The following STXBP5L variants were observed in gnomAD, a reference collection of about 807,000 sequenced individuals.
STXBP5L encodes the protein syntaxin binding protein 5L.
STXBP5L carries 65 observed loss-of-function variants against 144.5 expected under a neutral mutation model. The ratio of observed to expected loss-of-function variants is 0.45; its 90% confidence interval spans 0.37 to 0.55. The LOEUF (loss-of-function observed/expected upper bound fraction) is 0.55, where lower values mean the gene tolerates loss of function less well. Among genes scored for constraint, STXBP5L ranks in the 20% least tolerant of loss-of-function variants. STXBP5L has a pLI of 0.00. For synonymous variants in STXBP5L, 505 were observed against 469.6 expected (o/e 1.08, Z -0.97); for missense variants, 1,298 against 1,405.5 (o/e 0.92, Z 1.22).
At chr3:121,339,121 C>T (rs1342548262) in intron 20 of STXBP5L, among the ~76,000 whole-genome samples, 1 of 151,872 alleles carries the variant, frequency 6.6e-6, no homozygotes, top group East Asian at 1.9e-4. Flanking sequence ...CAAAAAAACA[C>T]AAAATGACAG....
intron 3 of STXBP5L, among the ~76,000 whole-genome samples, chr3:120,972,446 C>G (rs1290027113): frequency 1.3e-5 from 2 of 152,208 alleles, no homozygotes; most frequent in Non-Finnish European, 2.9e-5. Context: ...CTGAATTCAT[C>G]TATCAAATCT....
intron 12 of STXBP5L, among the ~76,000 whole-genome samples, chr3:121,235,234 A>G (rs1473938744): frequency 1.3e-5 from 2 of 152,006 alleles, no homozygotes; most frequent in African/African-American, 4.8e-5. Context: ...AAAACTGAGT[A>G]TGTTCTCTTT....
At chr3:121,093,255 C>T (rs9859164) in intron 5 of STXBP5L, among the ~76,000 whole-genome samples, 38,345 of 151,952 alleles carry the variant, frequency 0.25, 4,994 homozygotes, top group African/African-American at 0.28. Context: ...TGTCTCTGCC[C>T]GGCTTTGGTA....
chr3:121,254,941 A>G lies in STXBP5L; in HGVS notation c.1488A>G (p.Glu496=), dbSNP rs1559909550. The G allele has an allele frequency of 6.2e-7, 1 of 1,613,574 alleles. No homozygotes were observed. Among genetic ancestry groups the G allele is most frequent in the Non-Finnish European group, 8.5e-7 (1 of 1,179,674 alleles). Residue 496 remains glutamate (E), a synonymous_variant, in exon 16 of 27, where the codon GAA becomes GAG. Transcript: ENST00000471454. ...LYKLKTSKVF[E]KQKVGEGKQT... ...AGCTAAAAACTTCAAAAGTGTTTGAAAAACAGAAGGTAGGAGAAGGAAAAC... is the reference window on the plus strand; with the variant it reads ...AGCTAAAAACTTCAAAAGTGTTTGAGAAACAGAAGGTAGGAGAAGGAAAAC...
intron 2 of STXBP5L, among the ~76,000 whole-genome samples, chr3:120,935,661 T>A (rs1683975): frequency 0.23 from 35,346 of 151,972 alleles, 4,236 homozygotes; most frequent in Non-Finnish European, 0.26. Context: ...GGTGTGGTGT[T>A]TTTCTTTCAA....
rs146366059 is a variant in STXBP5L, at chr3:121,207,535, G to T, written c.956+1534G>T. On this transcript the variant is annotated intron_variant, in intron 10 of 26. Transcript: ENST00000471454. ...TCTGGTGAAAGAAACTACCATCATAGTGAACAGGCAACCTACAGAATGAGA... is the reference window on the plus strand; with the variant it reads ...TCTGGTGAAAGAAACTACCATCATATTGAACAGGCAACCTACAGAATGAGA... 2.5e-3 allele frequency among the ~76,000 whole-genome samples: 380 copies of T among 152,282 alleles called. 2 individuals are homozygous for T. Among genetic ancestry groups the T allele is most frequent in the African/African-American group, 8.6e-3 (357 of 41,546 alleles).
intron 9 of STXBP5L, among the ~76,000 whole-genome samples, chr3:121,200,696 T>C (rs191552448): frequency 5.3e-5 from 8 of 152,338 alleles, no homozygotes; most frequent in Non-Finnish European, 1.2e-4. Flanking sequence ...TTTGTTCTCA[T>C]TGGTTTCAAA....
intron 22 of STXBP5L, among the ~76,000 whole-genome samples, chr3:121,392,768 G>GGC (rs1349732838): frequency 4.9e-5 from 3 of 61,434 alleles, no homozygotes; most frequent in Admixed American, 1.8e-4. Context: ...AGTATTTCAT[G>GGC]GCATATATAT....
chr3:121,154,451 C>T (rs2046045640), intron 8 of STXBP5L, among the ~76,000 whole-genome samples: 1 of 151,632 alleles, frequency 6.6e-6, no homozygotes, highest in South Asian at 2.1e-4. Flanking sequence ...GTGGCTTTAC[C>T]TCAGTTTCTC....
intron 20 of STXBP5L, among the ~76,000 whole-genome samples, chr3:121,340,183 A>T (rs2044656268): frequency 1.3e-5 from 2 of 152,276 alleles, no homozygotes; most frequent in East Asian, 3.9e-4. Flanking sequence ...CCAGAACAAG[A>T]TGTTACTGGT....
At chr3:121,343,329 C>A (rs966703841) in intron 20 of STXBP5L, among the ~76,000 whole-genome samples, 1 of 151,646 alleles carries the variant, frequency 6.6e-6, no homozygotes, top group African/African-American at 2.4e-5. Flanking sequence ...TTTTGCTGTG[C>A]AGAAGCTCTT....
intron 23 of STXBP5L, among the ~76,000 whole-genome samples, chr3:121,411,293 T>C (rs1056677859): frequency 6.6e-6 from 1 of 152,090 alleles, no homozygotes; most frequent in Non-Finnish European, 1.5e-5. Context: ...TTTTACATAG[T>C]AAATTTCCAG....
chr3:121,326,012 A>T (rs2108547277), intron 20 of STXBP5L, among the ~76,000 whole-genome samples: 1 of 151,790 alleles, frequency 6.6e-6, no homozygotes, highest in African/African-American at 2.4e-5. Flanking sequence ...AAAAAAAAAA[A>T]GTGGGTTGAA....
intron 2 of STXBP5L, among the ~76,000 whole-genome samples, chr3:120,939,605 C>A (rs1209575915): frequency 6.6e-6 from 1 of 152,092 alleles, no homozygotes. Context: ...GTGTGTAGCT[C>A]ATGAGGGAAT....
chr3:120,916,425 C>G (rs1017451940), intron 2 of STXBP5L, among the ~76,000 whole-genome samples: 1 of 152,022 alleles, frequency 6.6e-6, no homozygotes, highest in Admixed American at 6.6e-5. Context: ...CTCAGCTTCC[C>G]AAGTAGCTGG....
At chr3:121,160,432 A>T (rs1294549771) in intron 9 of STXBP5L, among the ~76,000 whole-genome samples, 1 of 152,224 alleles carries the variant, frequency 6.6e-6, no homozygotes, top group African/African-American at 2.4e-5. Flanking sequence ...AAATAATACA[A>T]ATAAAAAGAA....
chr3:120,986,516 T>C (rs1245227304), intron 3 of STXBP5L, among the ~76,000 whole-genome samples: 1 of 152,006 alleles, frequency 6.6e-6, no homozygotes, highest in Non-Finnish European at 1.5e-5. Flanking sequence ...ATTTTGTCAG[T>C]TTTTGCTTAT....
intron 20 of STXBP5L, among the ~76,000 whole-genome samples, chr3:121,356,228 TATCA>T (rs2045508379): frequency 6.6e-6 from 1 of 152,282 alleles, no homozygotes; most frequent in African/African-American, 2.4e-5. Flanking sequence ...TCTTCAGAGC[TATCA>T]GACAGGGACA....
chr3:121,173,905 G>C (rs2046831835), intron 9 of STXBP5L, among the ~76,000 whole-genome samples: 1 of 151,756 alleles, frequency 6.6e-6, no homozygotes, highest in African/African-American at 2.4e-5. Flanking sequence ...ACTTTGTATG[G>C]GTTCCATGAC....
Sources: allele counts gnomAD v4.1 joint callset (sites outside exome capture counted in the v4.1 genomes callset), GRCh38; gene constraint gnomAD v4.1.1; transcripts MANE v1.5; gene names NCBI Gene and HGNC (gene_info 2026-07-23, HGNC 2026-07-21).